Variants in DNAJC1 observed in about 807,000 individuals in gnomAD.
DNAJC1 encodes dnaJ homolog subfamily C member 1.
In DNAJC1, 58 loss-of-function variants were observed where a neutral mutation model predicts 76.6. The ratio of observed to expected loss-of-function variants is 0.76; its 90% CI spans 0.61 to 0.94. DNAJC1 has a LOEUF of 0.94. Ranked by LOEUF, DNAJC1 falls within the 40% of genes least tolerant of loss-of-function variation. DNAJC1 has a pLI of 0.00. For missense variants in DNAJC1, 689 were observed against 677.3 expected (o/e 1.02, Z -0.19); for synonymous variants, 258 against 267.9 (o/e 0.96, Z 0.36).
intron 8 of DNAJC1, among the ~76,000 whole-genome samples, chr10:21,827,036 G>A (rs969146698): frequency 2.0e-5 from 3 of 151,840 alleles, no homozygotes; most frequent in Non-Finnish European, 1.5e-5. Flanking sequence ...GATTGCCCTG[G>A]GTAGTATTGT....
chr10:21,920,992 G>T, intron 3 of DNAJC1, 29 bp from the exon 4 acceptor site: 1 of 1,490,910 alleles, frequency 6.7e-7, no homozygotes, highest in Non-Finnish European at 9.0e-7. Flanking sequence ...AGTTTTTCAC[G>T]GGGAGTTTAA....
chr10:21,929,205 A>T, intron 1 of DNAJC1, 64 bp from the exon 2 acceptor site: 1 of 1,179,674 alleles, frequency 8.5e-7, no homozygotes, highest in Non-Finnish European at 1.2e-6. Flanking sequence ...AATTCCCAGA[A>T]CCTTGTTAAG....
At chr10:21,781,709 C>T (rs1408009091) in intron 9 of DNAJC1, among the ~76,000 whole-genome samples, 25 of 111,358 alleles carry the variant, frequency 2.2e-4, no homozygotes, top group East Asian at 2.1e-3. Flanking sequence ...TGACAGAGTG[C>T]GACTGTCTCA....
rs561830275 is a variant in DNAJC1 at position 21,872,816 on chromosome 10, C to T, written c.978+9466G>A. On this transcript the variant is annotated intron_variant, in intron 8 of 11. Transcript: ENST00000376980. ...CCAAAATTTGAAGCTCAATGAACTC[C>T]AAGCAGGATAAATTCCAATGGACCT... is the stretch of plus-strand genomic sequence containing the variant. Among the ~76,000 whole-genome samples the T allele has an allele frequency of 1.7e-4, 26 of 152,160 alleles. 1 individual carries two copies. The East Asian group carries it at 5.0e-3, about 29-fold the overall frequency.
intron 8 of DNAJC1, among the ~76,000 whole-genome samples, chr10:21,849,964 T>C (rs887208929): frequency 2.0e-5 from 3 of 152,120 alleles, no homozygotes; most frequent in Admixed American, 6.5e-5. Flanking sequence ...AGAAGGAAAC[T>C]ACCTCAACAT....
intron 1 of DNAJC1, among the ~76,000 whole-genome samples, chr10:21,976,606 A>G (rs1401007054): frequency 1.3e-5 from 2 of 152,196 alleles, no homozygotes; most frequent in Non-Finnish European, 2.9e-5. Context: ...AGTGGGGGAG[A>G]GTTAAAAGGA....
chr10:21,862,670 C>CTG (rs1418170782), intron 8 of DNAJC1, among the ~76,000 whole-genome samples: 132 of 151,810 alleles, frequency 8.7e-4, no homozygotes, highest in African/African-American at 3.1e-3. Flanking sequence ...CTCAGGTGAT[C>CTG]CAACTGCCTC....
At chr10:21,841,186 G>A (rs1835568732) in intron 8 of DNAJC1, among the ~76,000 whole-genome samples, 1 of 152,190 alleles carries the variant, frequency 6.6e-6, no homozygotes, top group South Asian at 2.1e-4. Context: ...TCAGGACATA[G>A]GCATGGGCAG....
chr10:21,812,679 G>A (rs2666763), intron 8 of DNAJC1, among the ~76,000 whole-genome samples: 94,865 of 151,836 alleles, frequency 0.62, 30,309 homozygotes, highest in East Asian at 0.94. Context: ...TGATCCTCCC[G>A]CCTTGGCCTC....
intron 9 of DNAJC1, among the ~76,000 whole-genome samples, chr10:21,799,994 G>T (rs1445810697): frequency 6.6e-6 from 1 of 152,092 alleles, no homozygotes; most frequent in Non-Finnish European, 1.5e-5. Context: ...TTAAAGATCT[G>T]TGTATGCTCA....
At chr10:21,757,886 G>C (rs1354599344) in intron 11 of DNAJC1, among the ~76,000 whole-genome samples, 1 of 152,170 alleles carries the variant, frequency 6.6e-6, no homozygotes, top group African/African-American at 2.4e-5. Flanking sequence ...AGCCCCCCAG[G>C]TATGAGTTTC....
At chr10:21,955,792 T>C (rs1194528324) in intron 1 of DNAJC1, among the ~76,000 whole-genome samples, 5 of 152,212 alleles carry the variant, frequency 3.3e-5, no homozygotes, top group Admixed American at 6.5e-5. Flanking sequence ...CTTACGCTTA[T>C]AAAGTAAGCT....
chr10:21,856,730 T>C (rs112062080), intron 8 of DNAJC1, among the ~76,000 whole-genome samples: 5 of 152,020 alleles, frequency 3.3e-5, no homozygotes, highest in Non-Finnish European at 7.4e-5. Flanking sequence ...TAATGACACA[T>C]AGAAAAAAAA....
At chr10:21,846,184 G>C (rs1835656939) in intron 8 of DNAJC1, among the ~76,000 whole-genome samples, 1 of 152,180 alleles carries the variant, frequency 6.6e-6, no homozygotes, top group South Asian at 2.1e-4. Context: ...AATTGAGGTA[G>C]TTTGCGTACA....
Position 21,977,151 on chromosome 10 carries a change from C to T in DNAJC1, c.222+26062G>A, listed in dbSNP as rs181061053. The stretch of plus-strand genomic sequence containing the variant: ...TTACTCTCCCGGCAATTCTCACAAA[C>T]ACAAAAGTAGAATCCTAGGACTCAG... On this transcript the variant is annotated intron_variant, in intron 1 of 11. Transcript: ENST00000376980. 7.9e-5 allele frequency among the ~76,000 whole-genome samples: 12 copies of T among 152,218 alleles called. No individual in the cohort carries two copies. The East Asian group carries it at 2.3e-3, about 29-fold the overall frequency.
intron 1 of DNAJC1, among the ~76,000 whole-genome samples, chr10:21,974,386 T>C (rs1038096138): frequency 5.9e-5 from 9 of 152,176 alleles, no homozygotes; most frequent in African/African-American, 2.2e-4. Context: ...TTCAAAATAC[T>C]ATGTAACCCG....
At chr10:21,767,716 C>G (rs1834317221) in intron 9 of DNAJC1, among the ~76,000 whole-genome samples, 1 of 152,198 alleles carries the variant, frequency 6.6e-6, no homozygotes, top group Non-Finnish European at 1.5e-5. Flanking sequence ...AGAATATTGA[C>G]CAGGCACAGT....
intron 7 of DNAJC1, among the ~76,000 whole-genome samples, chr10:21,901,011 A>C (rs1836643721): frequency 6.6e-6 from 1 of 152,134 alleles, no homozygotes; most frequent in Non-Finnish European, 1.5e-5. Context: ...CCACACTGAA[A>C]AGTCACATTC....
intron 1 of DNAJC1, among the ~76,000 whole-genome samples, chr10:21,971,578 G>GCCC (rs1296733824): frequency 9.0e-4 from 137 of 151,842 alleles, no homozygotes; most frequent in African/African-American, 3.1e-3. Flanking sequence ...CTTCCTTTGA[G>GCCC]AAACATAAAA....
Sources: gnomAD v4.1 joint callset for allele counts (sites outside exome capture counted in the v4.1 genomes callset) on GRCh38, gnomAD v4.1.1 for gene constraint, MANE v1.5 for transcripts, NCBI Gene and HGNC (gene_info 2026-07-23, HGNC 2026-07-21) for gene names.